The following CDK17 variants were observed in gnomAD, a reference collection of about 807,000 sequenced individuals.
CDK17 encodes cyclin-dependent kinase 17.
In CDK17, 24 loss-of-function variants were observed where a neutral mutation model predicts 77.6. That is an observed-to-expected ratio of 0.31 (90% CI 0.22 to 0.44). The LOEUF (loss-of-function observed/expected upper bound fraction) is 0.44. CDK17 is among the 20% of genes least tolerant of loss of function. The probability of loss-of-function intolerance (pLI) is 1.00; values close to 1 mark genes in which losing one functional copy is unlikely to be tolerated. For missense variants in CDK17, 429 were observed against 622.5 expected (o/e 0.69, Z 3.31); for synonymous variants, 203 against 210.4 (o/e 0.96, Z 0.30).
chr12:96,305,588 A>G (rs544614839), intron 5 of CDK17, among the ~76,000 whole-genome samples: 4 of 152,334 alleles, frequency 2.6e-5, no homozygotes, highest in Admixed American at 2.6e-4. Flanking sequence ...AGTCTTAAGC[A>G]TCCTGAAAAG....
At chr12:96,347,262 T>C (rs948253735) in intron 1 of CDK17, among the ~76,000 whole-genome samples, 1 of 151,890 alleles carries the variant, frequency 6.6e-6, no homozygotes, top group Non-Finnish European at 1.5e-5. Context: ...CAGACAGATT[T>C]ATAAAGAAAT....
Position 96,324,052 on chromosome 12 carries a change from T to C in CDK17, c.179A>G (p.Gln60Arg), listed in dbSNP as rs1592729061. The C allele has an allele frequency of 1.9e-6, 3 of 1,611,338 alleles. No homozygotes were observed. Among genetic ancestry groups the C allele is most frequent in the Non-Finnish European group, 2.5e-6 (3 of 1,178,698 alleles). ...TSHSMHSFLH[Q>R]YTGSFKKPPL... Reference sequence around the variant, plus strand: ...GGGCTTCTTGAAAGATCCTGTGTACTGGTGGAGGAAGGAATGCATACTGTG... The same window carrying C: ...GGGCTTCTTGAAAGATCCTGTGTACCGGTGGAGGAAGGAATGCATACTGTG... The change falls in exon 3 of 17, where the codon CAG becomes CGG. Residue 60 changes from glutamine to arginine, a missense_variant. Transcript: ENST00000261211.
At chr12:96,298,484 TA>T (rs1303839363) in intron 7 of CDK17, among the ~76,000 whole-genome samples, 22 of 152,180 alleles carry the variant, frequency 1.4e-4, no homozygotes, top group African/African-American at 5.1e-4. Context: ...TCCACATTAC[TA>T]ATCAGTTGCC....
At chr12:96,333,021 T>C (rs1352437855) in intron 2 of CDK17, among the ~76,000 whole-genome samples, 1 of 152,128 alleles carries the variant, frequency 6.6e-6, no homozygotes, top group Non-Finnish European at 1.5e-5. Context: ...TAAAAATATG[T>C]CCCAGAAACC....
chr12:96,328,513 T>TA (rs1484896198), intron 2 of CDK17, among the ~76,000 whole-genome samples: 2 of 151,982 alleles, frequency 1.3e-5, no homozygotes, highest in Admixed American at 6.6e-5. Context: ...ATTTATGTGG[T>TA]AAAAAATAGG....
chr12:96,334,892 T>A, intron 1 of CDK17, 27 bp from the exon 2 acceptor site: 1 of 905,776 alleles, frequency 1.1e-6, no homozygotes, highest in Non-Finnish European at 1.8e-6. Flanking sequence ...AACACAAAAC[T>A]AAAGCTATAA....
chr12:96,388,991 A>G (rs1954019399), intron 1 of CDK17, among the ~76,000 whole-genome samples: 1 of 151,920 alleles, frequency 6.6e-6, no homozygotes, highest in Non-Finnish European at 1.5e-5. Flanking sequence ...GATCTGCCCC[A>G]TGATCCAAAT....
chr12:96,383,551 G>C (rs562456525), intron 1 of CDK17, among the ~76,000 whole-genome samples: 1 of 152,224 alleles, frequency 6.6e-6, no homozygotes, highest in Admixed American at 6.5e-5. Context: ...AACACAGCAT[G>C]GTACTGATAC....
chr12:96,378,941 T>C (rs1953831982), intron 1 of CDK17, among the ~76,000 whole-genome samples: 1 of 152,224 alleles, frequency 6.6e-6, no homozygotes. Context: ...TAAGACTTCG[T>C]GTACATCTTT....
At chr12:96,355,264 T>A (rs1310601126) in intron 1 of CDK17, among the ~76,000 whole-genome samples, 1 of 151,942 alleles carries the variant, frequency 6.6e-6, no homozygotes, top group East Asian at 1.9e-4. Context: ...TTATTTCCTT[T>A]TAGGTTCTAC....
At chr12:96,367,769 C>T (rs773810293) in intron 1 of CDK17, among the ~76,000 whole-genome samples, 2 of 151,562 alleles carry the variant, frequency 1.3e-5, no homozygotes, top group Non-Finnish European at 2.9e-5. Context: ...ATAATCCCAG[C>T]ACTTTGGGAG....
chr12:96,342,639 A>C (rs1159356502), intron 1 of CDK17, among the ~76,000 whole-genome samples: 1 of 152,160 alleles, frequency 6.6e-6, no homozygotes, highest in Non-Finnish European at 1.5e-5. Flanking sequence ...AATTTCAATC[A>C]TGCTATAGGT....
At chr12:96,345,809 A>G (rs1319830006) in intron 1 of CDK17, among the ~76,000 whole-genome samples, 1 of 152,214 alleles carries the variant, frequency 6.6e-6, no homozygotes, top group Non-Finnish European at 1.5e-5. Flanking sequence ...AAACAAAGGA[A>G]TTAGAATGGT....
At chr12:96,338,259 G>A (rs970309110) in intron 1 of CDK17, among the ~76,000 whole-genome samples, 1 of 152,170 alleles carries the variant, frequency 6.6e-6, no homozygotes, top group Non-Finnish European at 1.5e-5. Flanking sequence ...CTGGAAGAAG[G>A]CAAATGAAAG....
chr12:96,330,764 G>A (rs1952955287), intron 2 of CDK17, among the ~76,000 whole-genome samples: 1 of 152,118 alleles, frequency 6.6e-6, no homozygotes, highest in Non-Finnish European at 1.5e-5. Flanking sequence ...ATGGGCATCT[G>A]GGTTGTTTAC....
In CDK17 at chr12:96,350,657, T is replaced by C. The variant is rs189906965; in HGVS notation, c.-29-15792A>G. 1.1e-4 allele frequency among the ~76,000 whole-genome samples: 17 copies of C among 152,248 alleles called. No individual in the cohort carries two copies. In the East Asian group the frequency reaches 3.1e-3, roughly 28 times the overall value. ...ATTTAGCAAATGGTGCTGGGAAAAC[T>C]GGATGTTTTCATGCAAAAGAGTGAA... On this transcript the variant is annotated intron_variant, in intron 1 of 16. Coordinates refer to ENST00000261211, the MANE Select transcript of CDK17 (RefSeq NM_002595.5).
intron 1 of CDK17, among the ~76,000 whole-genome samples, chr12:96,336,746 T>A (rs771878527): frequency 6.6e-6 from 1 of 152,214 alleles, no homozygotes; most frequent in Non-Finnish European, 1.5e-5. Context: ...AACCCATCTG[T>A]TGTGCTCTTA....
At chr12:96,361,703 A>G (rs531824028) in intron 1 of CDK17, among the ~76,000 whole-genome samples, 2 of 152,346 alleles carry the variant, frequency 1.3e-5, no homozygotes, top group South Asian at 2.1e-4. Flanking sequence ...GTCCTCTATA[A>G]TAAAGGCAAT....
At chr12:96,388,030 G>A (rs1954005009) in intron 1 of CDK17, among the ~76,000 whole-genome samples, 1 of 152,048 alleles carries the variant, frequency 6.6e-6, no homozygotes, top group Non-Finnish European at 1.5e-5. Flanking sequence ...AGCAGTTTGG[G>A]AGGCCAAGGT....
Sources: gnomAD v4.1 joint callset for allele counts (sites outside exome capture counted in the v4.1 genomes callset) on GRCh38, gnomAD v4.1.1 for gene constraint, MANE v1.5 for transcripts, NCBI Gene and HGNC (gene_info 2026-07-23, HGNC 2026-07-21) for gene names.